The following PRKCA variants were observed in gnomAD, a reference collection of about 807,000 sequenced individuals.
PRKCA encodes the protein protein kinase C alpha type.
A neutral mutation model predicts 87.0 loss-of-function variants in PRKCA; 27 were observed. The ratio of observed to expected loss-of-function variants is 0.31; its 90% CI spans 0.23 to 0.43. The LOEUF (loss-of-function observed/expected upper bound fraction) is 0.43, where lower values mean the gene tolerates loss of function less well. Among genes scored for constraint, PRKCA ranks in the 20% least tolerant of loss-of-function variants. The pLI, the probability that PRKCA is intolerant of heterozygous loss-of-function variation, is 1.00. For missense variants in PRKCA, 518 were observed against 852.3 expected, an observed-to-expected ratio of 0.61 and a Z score of 4.88; for synonymous variants, 329 against 311.1, an observed-to-expected ratio of 1.06 and a Z score of -0.61.
At chr17:66,332,833 A>T (rs543984055) in intron 2 of PRKCA, among the ~76,000 whole-genome samples, 5 of 151,880 alleles carry the variant, frequency 3.3e-5, no homozygotes, top group Non-Finnish European at 5.9e-5. Flanking sequence ...CTGGGACTAC[A>T]GGTGCCCGCC....
At chr17:66,488,736 G>A (rs773780907) in intron 2 of PRKCA, among the ~76,000 whole-genome samples, 1 of 152,168 alleles carries the variant, frequency 6.6e-6, no homozygotes, top group Non-Finnish European at 1.5e-5. Flanking sequence ...AGAGTTCATT[G>A]GGAGCACGTG....
intron 8 of PRKCA, among the ~76,000 whole-genome samples, chr17:66,710,220 G>A (rs547067600): frequency 8.6e-5 from 13 of 151,862 alleles, no homozygotes; most frequent in African/African-American, 3.1e-4. Context: ...GGGTGCCTCC[G>A]GAGCAGAGTG....
At chr17:66,540,525 C>T (rs945975717) in intron 3 of PRKCA, among the ~76,000 whole-genome samples, 2 of 152,148 alleles carry the variant, frequency 1.3e-5, no homozygotes, top group African/African-American at 2.4e-5. Flanking sequence ...TGGCGGGCTG[C>T]CGTGCGGGGG....
At chr17:66,538,126 C>G (rs1967851952) in intron 3 of PRKCA, among the ~76,000 whole-genome samples, 1 of 152,162 alleles carries the variant, frequency 6.6e-6, no homozygotes, top group Admixed American at 6.5e-5. Flanking sequence ...CTTGATGTTA[C>G]TGAAGACTTT....
intron 2 of PRKCA, among the ~76,000 whole-genome samples, chr17:66,348,191 C>T (rs970593970): frequency 5.3e-5 from 8 of 152,060 alleles, no homozygotes; most frequent in South Asian, 2.1e-4. Context: ...ATCCACCTGC[C>T]TTGGCCTCGT....
At chr17:66,317,141 CA>C (rs1203756925) in intron 2 of PRKCA, among the ~76,000 whole-genome samples, 2,434 of 82,078 alleles carry the variant, frequency 0.03, 18 homozygotes, top group Middle Eastern at 0.043. Flanking sequence ...GACTCTGTCT[CA>C]AAAAAAAAAA....
chr17:66,723,634 C>CAA lies in PRKCA; in HGVS notation c.919-9042_919-9041dup, dbSNP rs565740561. On this transcript the variant is annotated intron_variant, in intron 8 of 16. Coordinates refer to ENST00000413366, the MANE Select transcript of PRKCA (RefSeq NM_002737.3). ...CAGAGTGAGACTCCGTCTCAAAAAA[C>CAA]AAAAAAAAAAAAAGGAAGATGACGA... 2.0e-3 allele frequency among the ~76,000 whole-genome samples: 259 copies of CAA among 130,918 alleles called. 1 individual carries two copies. The highest frequency in any genetic ancestry group is 6.6e-3 in the African/African-American group (229 of 34,920). 85.9% of individuals were successfully genotyped at this position (130,918 alleles called of 152,430 possible).
chr17:66,397,148 TAG>T (rs1377257035), intron 2 of PRKCA, among the ~76,000 whole-genome samples: 1 of 151,486 alleles, frequency 6.6e-6, no homozygotes, highest in Non-Finnish European at 1.5e-5. Context: ...GTATTTTTGG[TAG>T]AGACAGGGTT....
intron 3 of PRKCA, among the ~76,000 whole-genome samples, chr17:66,520,802 G>T (rs961368995): frequency 7.9e-5 from 12 of 152,028 alleles, no homozygotes; most frequent in Non-Finnish European, 1.8e-4. Flanking sequence ...AAACCTAAAA[G>T]ATTTCTTCCT....
intron 3 of PRKCA, among the ~76,000 whole-genome samples, chr17:66,593,525 G>C (rs965960096): frequency 1.3e-5 from 2 of 152,236 alleles, no homozygotes; most frequent in African/African-American, 2.4e-5. Flanking sequence ...GGAGTCCCCA[G>C]CTGGAGGCCA....
At chr17:66,377,128 C>T (rs1227623498) in intron 2 of PRKCA, among the ~76,000 whole-genome samples, 1 of 152,064 alleles carries the variant, frequency 6.6e-6, no homozygotes, top group Non-Finnish European at 1.5e-5. Flanking sequence ...CAGGTTCAAG[C>T]GATTTTCCTG....
At chr17:66,762,009 A>G (rs1006719014) in intron 13 of PRKCA, among the ~76,000 whole-genome samples, 5 of 152,164 alleles carry the variant, frequency 3.3e-5, no homozygotes, top group Admixed American at 6.5e-5. Context: ...CCAGTAAAAA[A>G]TCAATTTAAT....
intron 2 of PRKCA, among the ~76,000 whole-genome samples, chr17:66,471,637 GTT>G (rs949569774): frequency 2.7e-4 from 40 of 147,218 alleles, no homozygotes; most frequent in African/African-American, 1.0e-3. Context: ...TGAATGGACT[GTT>G]TTCTAATTTT....
intron 3 of PRKCA, among the ~76,000 whole-genome samples, chr17:66,571,911 T>C (rs1357466046): frequency 6.6e-6 from 1 of 152,184 alleles, no homozygotes; most frequent in African/African-American, 2.4e-5. Context: ...TGTATGATAG[T>C]GCAGGGAACG....
At chr17:66,587,738 C>T (rs1324005615) in intron 3 of PRKCA, among the ~76,000 whole-genome samples, 4 of 66,468 alleles carry the variant, frequency 6.0e-5, no homozygotes, top group Admixed American at 1.6e-4. Flanking sequence ...TACATATATA[C>T]GTATATGTGT....
At chr17:66,677,555 C>G (rs568564260) in intron 5 of PRKCA, among the ~76,000 whole-genome samples, 2 of 152,306 alleles carry the variant, frequency 1.3e-5, no homozygotes, top group Non-Finnish European at 2.9e-5. Flanking sequence ...ATCTCCTATT[C>G]CACACTAATA....
chr17:66,447,717 C>T (rs1567833903), intron 2 of PRKCA, among the ~76,000 whole-genome samples: 1 of 152,238 alleles, frequency 6.6e-6, no homozygotes, highest in African/African-American at 2.4e-5. Flanking sequence ...TGGTTTCCAA[C>T]AGCCTCCAGG....
At chr17:66,360,336 G>A (rs569205553) in intron 2 of PRKCA, among the ~76,000 whole-genome samples, 1 of 152,256 alleles carries the variant, frequency 6.6e-6, no homozygotes, top group East Asian at 1.9e-4. Context: ...TAGTACTTGG[G>A]GGTGACAGGG....
chr17:66,730,681 T>C (rs1973863759), intron 8 of PRKCA, among the ~76,000 whole-genome samples: 2 of 152,240 alleles, frequency 1.3e-5, no homozygotes, highest in African/African-American at 2.4e-5. Flanking sequence ...CATTGCCTTG[T>C]TGATTTTGGC....
Sources: allele counts gnomAD v4.1 joint callset (sites outside exome capture counted in the v4.1 genomes callset), GRCh38; gene constraint gnomAD v4.1.1; transcripts MANE v1.5; gene names NCBI Gene and HGNC (gene_info 2026-07-23, HGNC 2026-07-21).